ATP1B1: variants seen among roughly 807,000 people sequenced by gnomAD.
ATP1B1 encodes sodium/potassium-transporting ATPase subunit beta-1.
Under a neutral mutation model 39.6 loss-of-function variants are expected in ATP1B1, and 3 were observed. The ratio of observed to expected loss-of-function variants is 0.08; its 90% CI spans 0.03 to 0.20. The LOEUF is 0.20. ATP1B1 is among the 10% of genes least tolerant of loss of function. ATP1B1 has a pLI of 1.00. For missense variants in ATP1B1, 216 were observed against 371.1 expected (o/e 0.58, Z 3.43); for synonymous variants, 139 against 135.0 (o/e 1.03, Z -0.20).
chr1:169,110,876 C>A (rs1657714879), intron 1 of ATP1B1, among the ~76,000 whole-genome samples: 2 of 152,028 alleles, frequency 1.3e-5, no homozygotes, highest in South Asian at 4.1e-4. Flanking sequence ...AGCAAAATAA[C>A]CCTCAGGCAT....
intron 5 of ATP1B1, among the ~76,000 whole-genome samples, chr1:169,130,625 AC>A (rs1658190784): frequency 6.6e-6 from 1 of 151,952 alleles, no homozygotes; most frequent in African/African-American, 2.4e-5. Context: ...TGTCTCTACT[AC>A]ACATACAAAA....
intron 3 of ATP1B1, among the ~76,000 whole-genome samples, chr1:169,126,571 C>T (rs1658090324): frequency 1.3e-5 from 2 of 152,106 alleles, no homozygotes; most frequent in Admixed American, 6.5e-5. Context: ...AAACTAGCCA[C>T]AGGGTGGCAC....
In ATP1B1 at chr1:169,132,041, T is replaced by C. The variant is rs1222627948; in HGVS notation, c.*486T>C. The stretch of plus-strand genomic sequence containing the variant: ...GTAATTTTTTTTTTTTTTTTTTTTT[T>C]GTTTTTTGGCTCTTTCAAAGGTAAT... On this transcript the variant is annotated 3_prime_UTR_variant, in exon 6 of 6. Transcript: ENST00000367815. The C allele has an allele frequency of 4.0e-6, 1 of 248,014 alleles. No individual in the cohort carries two copies. Among genetic ancestry groups the C allele is most frequent in the African/African-American group, 2.4e-5 (1 of 42,036 alleles). The allele number at this position is 248,014 out of a possible 1,614,324, so 15.4% of individuals were successfully genotyped here.
At chr1:169,125,981 G>A (rs935936152) in intron 3 of ATP1B1, among the ~76,000 whole-genome samples, 9 of 151,902 alleles carry the variant, frequency 5.9e-5, no homozygotes, top group African/African-American at 2.2e-4. Flanking sequence ...TCTCAAAAAC[G>A]TTAAAACAAA....
intron 3 of ATP1B1, among the ~76,000 whole-genome samples, chr1:169,125,272 C>G (rs909645017): frequency 1.3e-5 from 2 of 152,164 alleles, no homozygotes; most frequent in African/African-American, 2.4e-5. Context: ...TTAAAACACT[C>G]CTAGGTACTA....
chr1:169,108,170 C>G (rs957486411), intron 1 of ATP1B1: 37 of 152,150 alleles, frequency 2.4e-4, no homozygotes, highest in African/African-American at 8.7e-4. Flanking sequence ...CAAGGTTAGT[C>G]AAGGTGAAGC....
At chr1:169,113,212 T>G (rs1657764954) in intron 2 of ATP1B1, among the ~76,000 whole-genome samples, 1 of 152,044 alleles carries the variant, frequency 6.6e-6, no homozygotes. Flanking sequence ...ATTATAGGCA[T>G]GCACCACCAT....
chr1:169,106,770 A>C lies in ATP1B1; in HGVS notation c.-60A>C, dbSNP rs1346200707. On this transcript the variant is annotated 5_prime_UTR_variant, in exon 1 of 6. Transcript: ENST00000367815. ...GAAGCCGAGCGGCGCAGAGGACGCC[A>C]GGGCGCGCGCCGCAGCCACCCACCC... 1 of 1,420,520 alleles carries C rather than the reference A, an allele frequency of 7.0e-7. No homozygotes were observed. Among genetic ancestry groups the C allele is most frequent in the East Asian group, 2.8e-5 (1 of 36,260 alleles). The allele number at this position is 1,420,520 out of a possible 1,614,324, so 88.0% of individuals were successfully genotyped here.
chr1:169,123,097 C>T (rs569911478), intron 2 of ATP1B1, among the ~76,000 whole-genome samples: 36 of 152,262 alleles, frequency 2.4e-4, no homozygotes, highest in Middle Eastern at 3.4e-3. Context: ...AGCATTTAGT[C>T]GAGCCTTACT....
intron 1 of ATP1B1, 41 bp from the exon 2 acceptor site, chr1:169,111,329 T>C: frequency 1.9e-6 from 3 of 1,612,020 alleles, no homozygotes; most frequent in Non-Finnish European, 2.5e-6. Context: ...ATTCTGAGCA[T>C]ATGACTGCAT....
rs572328675 is a variant in ATP1B1, at chr1:169,127,546, A to G, written c.567+138A>G. 4 of 839,532 alleles carry G rather than the reference A, an allele frequency of 4.8e-6. No individual in the cohort carries two copies. In the African/African-American group the frequency reaches 7.2e-5, roughly 15 times the overall value. 52.0% of individuals were successfully genotyped at this position (839,532 alleles called of 1,614,324 possible). A position where few individuals can be genotyped will look rare whatever the true frequency, so the allele number is the denominator to read the frequency against. ...AACGTAGCCAGTAGAGTAACACCAA[A>G]AACTTCTGTATCCACCCTGCAATTC... On this transcript the variant is annotated intron_variant, in intron 4 of 5. Coordinates refer to ENST00000367815, the MANE Select transcript of ATP1B1 (RefSeq NM_001677.4).
Position 169,129,964 on chromosome 1 carries a change from A to C in ATP1B1, c.568-46A>C, listed in dbSNP as rs778726023. The C allele has an allele frequency of 2.5e-6, 4 of 1,584,794 alleles. No individual in the cohort carries two copies. The East Asian group carries it at 9.0e-5, about 36-fold the overall frequency. On this transcript the variant is annotated intron_variant, in intron 4 of 5. Transcript: ENST00000367815. ...GAGTAGTTTTATTTTTCAGAAACTT[A>C]AGAAATCATTTACAATCTACTGATC...
chr1:169,125,001 C>T lies in ATP1B1; in HGVS notation c.344C>T (p.Ser115Leu), dbSNP rs1658057172. The change falls in exon 3 of 6, where the codon TCA becomes TTA. Residue 115 changes from serine to leucine, a missense_variant. Physicochemically the swap from Ser to Leu is moderately radical, Grantham distance 145. Transcript: ENST00000367815. ...IVRFLEKYKD[S>L]AQRDDMIFED... ...AGGTTCCTGGAAAAGTACAAAGATT[C>T]AGCCCAGAGGGATGACATGATTTTT... is the stretch of plus-strand genomic sequence containing the variant. 6 of 1,613,826 alleles carry T rather than the reference C, an allele frequency of 3.7e-6. No individual in the cohort carries two copies. In the South Asian group the frequency reaches 5.5e-5, roughly 15 times the overall value.
At position 169,131,951 on chromosome 1, in the gene ATP1B1, C is replaced by T; in HGVS notation, c.*396C>T. The stretch of plus-strand genomic sequence containing the variant: ...AGCCATGTTTTATTGTATCTGTTTT[C>T]TACTTTATGTGAGCAAGGTTTGCTG... On this transcript the variant is annotated 3_prime_UTR_variant, in exon 6 of 6. Coordinates refer to ENST00000367815, the MANE Select transcript of ATP1B1 (RefSeq NM_001677.4). The surrounding 1 kb of genome is among the most constrained non-coding windows in gnomAD (Gnocchi z 4.4). 1 of 317,664 alleles carries T rather than the reference C, an allele frequency of 3.1e-6. No homozygotes were observed. The highest frequency in any genetic ancestry group is 5.9e-6 in the Non-Finnish European group (1 of 170,692). 19.7% of individuals were successfully genotyped at this position (317,664 alleles called of 1,614,324 possible).
chr1:169,129,710 A>G (rs1658164678), intron 4 of ATP1B1, among the ~76,000 whole-genome samples: 1 of 152,236 alleles, frequency 6.6e-6, no homozygotes, highest in South Asian at 2.1e-4. Context: ...CTTAGTTTTC[A>G]GTGTCTTTAA....
chr1:169,107,556 C>T (rs1657625464), intron 1 of ATP1B1, among the ~76,000 whole-genome samples: 1 of 152,016 alleles, frequency 6.6e-6, no homozygotes, highest in African/African-American at 2.4e-5. Flanking sequence ...AGCTTTGGCC[C>T]GAAACCTGGC....
intron 2 of ATP1B1, among the ~76,000 whole-genome samples, chr1:169,119,781 T>A (rs1343974883): frequency 6.7e-6 from 1 of 150,262 alleles, no homozygotes; most frequent in East Asian, 1.9e-4. Context: ...CTAAACCCAC[T>A]GTGAAGCTGA....
intron 1 of ATP1B1, among the ~76,000 whole-genome samples, chr1:169,108,428 T>C (rs1657651842): frequency 6.6e-6 from 1 of 152,116 alleles, no homozygotes; most frequent in African/African-American, 2.4e-5. Context: ...GAGGGAGGCC[T>C]GGAAGGTGCA....
intron 2 of ATP1B1, among the ~76,000 whole-genome samples, chr1:169,120,379 C>T (rs1020011402): frequency 4.6e-5 from 7 of 152,264 alleles, no homozygotes; most frequent in African/African-American, 1.7e-4. Flanking sequence ...ATGTTAGTTA[C>T]CACCGTCTAA....
Sources: allele counts gnomAD v4.1 joint callset (sites outside exome capture counted in the v4.1 genomes callset), GRCh38; gene constraint gnomAD v4.1.1; non-coding constraint Gnocchi (gnomAD v3.1); transcripts MANE v1.5; gene names NCBI Gene and HGNC (gene_info 2026-07-23, HGNC 2026-07-21).